Variants in RTN3 observed in about 807,000 individuals in gnomAD.
RTN3 encodes the protein reticulon 3, also known as reticulon-3.
Under a neutral mutation model 77.8 loss-of-function variants are expected in RTN3, and 49 were observed. That is an observed-to-expected ratio of 0.63 (90% CI 0.50 to 0.80). The LOEUF (loss-of-function observed/expected upper bound fraction) is 0.80, where lower values mean the gene tolerates loss of function less well. Ranked by LOEUF, RTN3 falls within the 30% of genes least tolerant of loss-of-function variation. The pLI is 0.00. For synonymous variants in RTN3, 464 were observed against 446.9 expected, an observed-to-expected ratio of 1.04 and a Z score of -0.48; for missense variants, 1,236 against 1,211.9, an observed-to-expected ratio of 1.02 and a Z score of -0.29.
intron 3 of RTN3, among the ~76,000 whole-genome samples, chr11:63,722,566 A>G (rs964245915): frequency 6.6e-6 from 1 of 152,180 alleles, no homozygotes; most frequent in Admixed American, 6.5e-5. Flanking sequence ...TGAATGAATG[A>G]TATGAATTAT....
chr11:63,718,762 T>C lies in RTN3; in HGVS notation c.260T>C (p.Leu87Pro). 6.2e-7 allele frequency: 1 copy of C among 1,607,454 alleles called. No individual in the cohort carries two copies. Among genetic ancestry groups the C allele is most frequent in the South Asian group, 1.1e-5 (1 of 88,840 alleles). The change falls in exon 3 of 9, where the codon CTT becomes CCT. Residue 87 changes from leucine (L) to proline (P), a missense_variant. Coordinates refer to ENST00000377819, the MANE Select transcript of RTN3 (RefSeq NM_001265589.2). ...PSSEIMTSSF[L>P]SSSEIHNTGL... ...TCAGAAATTATGACTTCTTCCTTTC[T>C]TTCATCTTCTGAAATACATAACACT... is the stretch of plus-strand genomic sequence containing the variant.
chr11:63,692,738 G>A (rs1014936304), intron 1 of RTN3, among the ~76,000 whole-genome samples: 1 of 151,734 alleles, frequency 6.6e-6, no homozygotes, highest in African/African-American at 2.4e-5. Flanking sequence ...TTCAGCCTGG[G>A]TGACAGAGCG....
chr11:63,713,986 A>G, intron 2 of RTN3: 1 of 518,442 alleles, frequency 1.9e-6, no homozygotes, highest in Non-Finnish European at 3.9e-6. Flanking sequence ...GACTTGGGCA[A>G]CAGCAGTGAC....
chr11:63,717,513 G>C (rs1349074302), intron 2 of RTN3, among the ~76,000 whole-genome samples: 2 of 148,728 alleles, frequency 1.3e-5, no homozygotes, highest in Non-Finnish European at 3.0e-5. Context: ...TCAGCCTCCC[G>C]AGTAGCTGGA....
At chr11:63,689,888 G>A (rs186606961) in intron 1 of RTN3, among the ~76,000 whole-genome samples, 1 of 152,136 alleles carries the variant, frequency 6.6e-6, no homozygotes, top group East Asian at 1.9e-4. Flanking sequence ...CCCCTGAGTA[G>A]GTGGGATTGC....
At chr11:63,732,167 T>C (rs2012740452) in intron 3 of RTN3, among the ~76,000 whole-genome samples, 1 of 152,156 alleles carries the variant, frequency 6.6e-6, no homozygotes, top group South Asian at 2.1e-4. Context: ...AATTATTTTT[T>C]ATTTTTTTGG....
chr11:63,724,144 C>T (rs1206833422), intron 3 of RTN3, among the ~76,000 whole-genome samples: 1 of 148,754 alleles, frequency 6.7e-6, no homozygotes, highest in Non-Finnish European at 1.5e-5. Flanking sequence ...AGACCTAGAA[C>T]TGCCCTAGCA....
intron 1 of RTN3, among the ~76,000 whole-genome samples, chr11:63,696,329 G>C (rs2134674184): frequency 6.7e-6 from 1 of 149,656 alleles, no homozygotes; most frequent in South Asian, 2.1e-4. Context: ...CCTGGGAGGT[G>C]GAGGTTGCAG....
At position 63,758,183 on chromosome 11, in the gene RTN3, C is replaced by CA. The variant is rs747510098; in HGVS notation, c.3089dup (p.Ala1031GlyfsTer28). On this transcript the variant is annotated frameshift_variant, in exon 9 of 9. Transcript: ENST00000377819. LOFTEE classifies it high-confidence loss of function. The stretch of plus-strand genomic sequence containing the variant: ...TCCAAGCAAAACTCCCTGGAATCGC[C>CA]AAAAAAAAGGCAGAATAAGTACATG... 38 of 1,602,000 alleles carry CA rather than the reference C, an allele frequency of 2.4e-5. No homozygotes were observed. The highest frequency in any genetic ancestry group is 6.8e-5 in the Admixed American group (4 of 58,424).
rs1439525214 is a variant in RTN3, at chr11:63,719,414, T to C, written c.912T>C (p.Arg304=). Residue 304 remains arginine, a synonymous_variant, in exon 3 of 9, where the codon CGT becomes CGC. Coordinates refer to ENST00000377819, the MANE Select transcript of RTN3 (RefSeq NM_001265589.2). ...LFPLRNKEAG[R]YPMSALLSRQ... ...CACTGAGAAATAAAGAGGCAGGACGTTACCCAATGTCTGCATTGCTCAGTA... is the reference window on the plus strand; with the variant it reads ...CACTGAGAAATAAAGAGGCAGGACGCTACCCAATGTCTGCATTGCTCAGTA... 8 of 1,613,894 alleles carry C rather than the reference T, an allele frequency of 5.0e-6. No individual in the cohort carries two copies. Among genetic ancestry groups the C allele is most frequent in the East Asian group, 2.2e-5 (1 of 44,886 alleles).
rs913613711 is a variant in RTN3, at chr11:63,759,425, G to C, written c.*1224G>C. 8 of 152,566 alleles carry C rather than the reference G, an allele frequency of 5.2e-5. No homozygotes were observed. The highest frequency in any genetic ancestry group is 1.7e-4 in the African/African-American group (7 of 41,416). 9.5% of individuals were successfully genotyped at this position (152,566 alleles called of 1,614,324 possible). On this transcript the variant is annotated 3_prime_UTR_variant, in exon 9 of 9. Transcript: ENST00000377819. Reference sequence around the variant, plus strand: ...AAGTACGGCAGCTGCAAAAAGTAGTGGAAGGAAATTGTCTACGTGTCTTGG... The same window carrying C: ...AAGTACGGCAGCTGCAAAAAGTAGTCGAAGGAAATTGTCTACGTGTCTTGG...
At chr11:63,704,973 G>T in intron 2 of RTN3, 66 bp downstream of exon 2, 1 of 1,175,554 alleles carries the variant, frequency 8.5e-7, no homozygotes. Context: ...CTGTAACTGG[G>T]GATACGAGGC....
chr11:63,729,314 T>G (rs1035082557), intron 3 of RTN3, among the ~76,000 whole-genome samples: 2 of 151,918 alleles, frequency 1.3e-5, no homozygotes, highest in East Asian at 3.9e-4. Flanking sequence ...TTTCTTAAAA[T>G]ATATAGGATT....
In RTN3 at chr11:63,719,111, C is replaced by T. The variant is rs762932742; in HGVS notation, c.609C>T (p.Asp203=). 2 of 1,614,174 alleles carry T rather than the reference C, an allele frequency of 1.2e-6. No homozygotes were observed. Among genetic ancestry groups the T allele is most frequent in the Admixed American group, 1.7e-5 (1 of 60,018 alleles). The change falls in exon 3 of 9, where the codon GAC becomes GAT. Residue 203 remains aspartate (D), a synonymous_variant. Transcript: ENST00000377819. ...REAKTALDAD[D]RFTLLTAQKP... The stretch of plus-strand genomic sequence containing the variant: ...CTAAAACTGCATTGGATGCTGATGA[C>T]AGATTCACTTTGCTGACAGCCCAGA...
At chr11:63,700,236 A>G (rs186616708) in intron 1 of RTN3, among the ~76,000 whole-genome samples, 4 of 150,994 alleles carry the variant, frequency 2.6e-5, no homozygotes, top group Admixed American at 2.6e-4. Flanking sequence ...GCATGTAGAA[A>G]TGGATCCATC....
At chr11:63,698,131 T>C (rs1032421677) in intron 1 of RTN3, among the ~76,000 whole-genome samples, 21 of 151,814 alleles carry the variant, frequency 1.4e-4, no homozygotes, top group African/African-American at 4.6e-4. Context: ...CTTTTCATAG[T>C]CTTTTTTTTT....
At chr11:63,740,136 G>A (rs1410478751) in intron 3 of RTN3, among the ~76,000 whole-genome samples, 2 of 152,018 alleles carry the variant, frequency 1.3e-5, no homozygotes, top group African/African-American at 4.8e-5. Context: ...CTATCTCCTG[G>A]TCCTCTGTCT....
intron 3 of RTN3, among the ~76,000 whole-genome samples, chr11:63,742,626 C>G (rs1211121338): frequency 6.6e-6 from 1 of 151,924 alleles, no homozygotes; most frequent in Non-Finnish European, 1.5e-5. Flanking sequence ...GCCTGGGCAA[C>G]AAGAACAAAA....
chr11:63,706,570 G>A (rs894409238), intron 2 of RTN3, among the ~76,000 whole-genome samples: 22 of 152,204 alleles, frequency 1.4e-4, no homozygotes, highest in African/African-American at 4.8e-4. Flanking sequence ...GTCTCATTGT[G>A]TGAATTTGGG....
Sources: allele counts gnomAD v4.1 joint callset (sites outside exome capture counted in the v4.1 genomes callset), GRCh38; gene constraint gnomAD v4.1.1; transcripts MANE v1.5; gene names NCBI Gene and HGNC (gene_info 2026-07-23, HGNC 2026-07-21).